Variants in GPC6 observed in about 807,000 individuals in gnomAD.
GPC6 encodes the protein glypican-6.
A neutral mutation model predicts 55.2 loss-of-function variants in GPC6; 14 were observed. The ratio of observed to expected loss-of-function variants is 0.25; its 90% confidence interval spans 0.17 to 0.40. The LOEUF (loss-of-function observed/expected upper bound fraction) is 0.40, where lower values mean the gene tolerates loss of function less well. GPC6 is among the 10% of genes least tolerant of loss of function. The pLI, the probability that GPC6 is intolerant of heterozygous loss-of-function variation, is 1.00. For missense variants in GPC6, 641 were observed against 708.5 expected, an observed-to-expected ratio of 0.90 and a Z score of 1.08; for synonymous variants, 278 against 259.6, an observed-to-expected ratio of 1.07 and a Z score of -0.68.
At chr13:93,279,230 G>A (rs1566277244) in intron 1 of GPC6, among the ~76,000 whole-genome samples, 1 of 152,140 alleles carries the variant, frequency 6.6e-6, no homozygotes, top group Non-Finnish European at 1.5e-5. Context: ...GCTCATTCAG[G>A]TGGTTTTGGG....
intron 4 of GPC6, among the ~76,000 whole-genome samples, chr13:94,225,150 A>C (rs1213304568): frequency 3.3e-5 from 5 of 152,074 alleles, no homozygotes; most frequent in African/African-American, 4.8e-5. Flanking sequence ...TTTGCCTGTT[A>C]ATCATTGGCC....
chr13:93,367,789 A>G (rs1881301953), intron 1 of GPC6, among the ~76,000 whole-genome samples: 1 of 133,612 alleles, frequency 7.5e-6, no homozygotes, highest in South Asian at 2.4e-4. Context: ...CATTGTGGCT[A>G]GAGAATATAC....
rs558860174 is a variant in GPC6 at position 93,750,035 on chromosome 13, G to A, written c.320-80119G>A. Among the ~76,000 whole-genome samples the A allele has an allele frequency of 1.0e-3, 153 of 152,228 alleles. 1 individual carries two copies. Among genetic ancestry groups the A allele is most frequent in the Middle Eastern group, 3.4e-3 (1 of 294 alleles). ...GAACAGAAAGTTGTGAAAAAGAAAA[G>A]GTAGTGTGCATTTAAGCCTAATAAA... On this transcript the variant is annotated intron_variant, in intron 2 of 8. Coordinates refer to ENST00000377047, the MANE Select transcript of GPC6 (RefSeq NM_005708.5).
At chr13:93,245,369 T>G (rs1876564704) in intron 1 of GPC6, among the ~76,000 whole-genome samples, 1 of 152,190 alleles carries the variant, frequency 6.6e-6, no homozygotes, top group Admixed American at 6.5e-5. Context: ...TCCTTCATTC[T>G]TTCCCTCCTT....
chr13:93,818,079 AT>A (rs1019223344), intron 2 of GPC6, among the ~76,000 whole-genome samples: 89 of 147,778 alleles, frequency 6.0e-4, no homozygotes, highest in Middle Eastern at 3.6e-3. Context: ...TAAATCATAT[AT>A]ATTTATTATA....
intron 3 of GPC6, among the ~76,000 whole-genome samples, chr13:93,925,425 A>C (rs1877806191): frequency 6.6e-6 from 1 of 152,302 alleles, no homozygotes; most frequent in Non-Finnish European, 1.5e-5. Context: ...GAATGAATCT[A>C]TTTGTAGCAT....
At chr13:93,903,858 A>T (rs1414528817) in intron 3 of GPC6, among the ~76,000 whole-genome samples, 3 of 151,830 alleles carry the variant, frequency 2.0e-5, no homozygotes, top group African/African-American at 7.3e-5. Context: ...GTGACCCTTT[A>T]TGTGATCAGT....
intron 1 of GPC6, among the ~76,000 whole-genome samples, chr13:93,345,853 T>G (rs1403484773): frequency 1.3e-5 from 2 of 152,202 alleles, no homozygotes; most frequent in Non-Finnish European, 2.9e-5. Context: ...AATAAAAAGC[T>G]TACTGTGCAT....
chr13:94,158,497 A>G (rs1227218600), intron 4 of GPC6, among the ~76,000 whole-genome samples: 3 of 152,170 alleles, frequency 2.0e-5, no homozygotes, highest in Non-Finnish European at 2.9e-5. Context: ...ATTTAGAAAA[A>G]CATTCCCAAG....
rs142460880 is a variant in GPC6, at chr13:93,532,643, T to G, written c.161-12620T>G. Among the ~76,000 whole-genome samples, 825 of 152,250 alleles carry G rather than the reference T, an allele frequency of 5.4e-3. 5 individuals are homozygous for G. The highest frequency in any genetic ancestry group is 0.018 in the African/African-American group (730 of 41,552). Reference sequence around the variant, plus strand: ...GCCCACTCCTCACCTCCCATATGCTTTATCCCTTGATTATTCTGATCACAC... The same window carrying G: ...GCCCACTCCTCACCTCCCATATGCTGTATCCCTTGATTATTCTGATCACAC... On this transcript the variant is annotated intron_variant, in intron 1 of 8. Coordinates refer to ENST00000377047, the MANE Select transcript of GPC6 (RefSeq NM_005708.5).
At chr13:93,541,157 T>C in intron 1 of GPC6, among the ~76,000 whole-genome samples, 1 of 144,604 alleles carries the variant, frequency 6.9e-6, no homozygotes, top group East Asian at 2.1e-4. Context: ...GTATATCTCC[T>C]AAAGCTATCC....
chr13:94,027,677 CT>C, intron 3 of GPC6, 51 bp from the exon 4 acceptor site: 1 of 1,544,732 alleles, frequency 6.5e-7, no homozygotes, highest in Non-Finnish European at 8.9e-7. Flanking sequence ...TTTTTTCCTC[CT>C]CTTTATCCTT....
chr13:93,223,397 A>G (rs1224937842), upstream of GPC6, among the ~76,000 whole-genome samples: 2 of 151,848 alleles, frequency 1.3e-5, no homozygotes, highest in Non-Finnish European at 2.9e-5. Flanking sequence ...AACGTACCAT[A>G]TTTTCCTAAT....
chr13:93,268,892 G>A (rs1277195312), intron 1 of GPC6, among the ~76,000 whole-genome samples: 1 of 152,076 alleles, frequency 6.6e-6, no homozygotes, highest in Non-Finnish European at 1.5e-5. Context: ...GTTCCCTGCT[G>A]TGCATTCTTC....
chr13:93,227,382 G>A lies in GPC6; in HGVS notation c.-75G>A. ...GAGGAGCGCGCCGCTGCCTCTGGCG[G>A]GCTTTCGGCTTGAGGGGCAAGGTGA... On this transcript the variant is annotated 5_prime_UTR_variant, in exon 1 of 9. Coordinates refer to ENST00000377047, the MANE Select transcript of GPC6 (RefSeq NM_005708.5). The surrounding 1 kb of genome is among the most constrained non-coding windows in gnomAD (Gnocchi z 4.3). 2 of 1,487,128 alleles carry A rather than the reference G, an allele frequency of 1.3e-6. No homozygotes were observed. Among genetic ancestry groups the A allele is most frequent in the Non-Finnish European group, 1.9e-6 (2 of 1,079,606 alleles). The allele number at this position is 1,487,128 out of a possible 1,614,324, so 92.1% of individuals were successfully genotyped here. A position where few individuals can be genotyped will look rare whatever the true frequency, so the allele number is the denominator to read the frequency against.
chr13:93,393,676 A>T (rs1180380874), intron 1 of GPC6, among the ~76,000 whole-genome samples: 4 of 150,730 alleles, frequency 2.7e-5, no homozygotes, highest in Non-Finnish European at 4.4e-5. Flanking sequence ...GTTTTTGCTC[A>T]TCCCCAGATT....
At chr13:93,727,314 C>T (rs181712795) in intron 2 of GPC6, among the ~76,000 whole-genome samples, 4 of 152,256 alleles carry the variant, frequency 2.6e-5, no homozygotes, top group African/African-American at 9.6e-5. Context: ...CCACTGGCTA[C>T]AGAATATTGC....
chr13:93,445,187 A>C (rs988279655), intron 1 of GPC6, among the ~76,000 whole-genome samples: 1 of 152,168 alleles, frequency 6.6e-6, no homozygotes, highest in Non-Finnish European at 1.5e-5. Context: ...CAACGTCTGG[A>C]GTAGTAAGGG....
the GPC6 span, among the ~76,000 whole-genome samples, chr13:93,218,814 C>T: frequency 6.6e-6 from 1 of 152,072 alleles, no homozygotes; most frequent in East Asian, 1.9e-4. Flanking sequence ...CTTTGTCTTT[C>T]TGATGTCCAC....
Sources: allele counts gnomAD v4.1 joint callset (sites outside exome capture counted in the v4.1 genomes callset), GRCh38; gene constraint gnomAD v4.1.1; non-coding constraint Gnocchi (gnomAD v3.1); transcripts MANE v1.5; gene names NCBI Gene and HGNC (gene_info 2026-07-23, HGNC 2026-07-21).